Variants in CDH13 observed in about 807,000 individuals in gnomAD.
CDH13 encodes the protein cadherin-13.
In CDH13, 24 loss-of-function variants were observed where a neutral mutation model predicts 63.8. The ratio of observed to expected loss-of-function variants is 0.38; its 90% CI spans 0.27 to 0.53. The LOEUF is 0.53. Ranked by LOEUF, CDH13 falls within the 20% of genes least tolerant of loss-of-function variation. The probability of loss-of-function intolerance (pLI) is 0.85; values close to 1 mark genes in which losing one functional copy is unlikely to be tolerated. For synonymous variants in CDH13, 503 were observed against 355.3 expected (o/e 1.42, Z -4.67); for missense variants, 1,049 against 903.1 (o/e 1.16, Z -2.07).
intron 1 of CDH13, among the ~76,000 whole-genome samples, chr16:82,684,900 T>C (rs1567625061): frequency 6.6e-6 from 1 of 151,318 alleles, no homozygotes; most frequent in South Asian, 2.1e-4. Context: ...TGGGTATTCT[T>C]TGAGGAAATA....
chr16:83,284,312 C>A (rs990056121), intron 5 of CDH13, among the ~76,000 whole-genome samples: 1 of 152,172 alleles, frequency 6.6e-6, no homozygotes, highest in Non-Finnish European at 1.5e-5. Context: ...GCTGGACTTA[C>A]TAGCTGTTTG....
chr16:83,482,747 T>C (rs1363927097), intron 6 of CDH13, among the ~76,000 whole-genome samples: 1 of 152,176 alleles, frequency 6.6e-6, no homozygotes, highest in African/African-American at 2.4e-5. Flanking sequence ...CTACAGAATG[T>C]GTGTGTGCAC....
chr16:82,798,052 G>A (rs1052975971), intron 1 of CDH13, among the ~76,000 whole-genome samples: 2 of 152,112 alleles, frequency 1.3e-5, no homozygotes, highest in African/African-American at 4.8e-5. Context: ...GTTGCTCTGG[G>A]GTGAGAAAAC....
At chr16:83,592,980 T>C (rs1178825865) in intron 7 of CDH13, among the ~76,000 whole-genome samples, 1 of 152,206 alleles carries the variant, frequency 6.6e-6, no homozygotes, top group Non-Finnish European at 1.5e-5. Flanking sequence ...AAGCGGTTCC[T>C]GCTGGATTTA....
intron 6 of CDH13, among the ~76,000 whole-genome samples, chr16:83,388,032 A>G (rs1405291510): frequency 6.6e-6 from 1 of 152,126 alleles, no homozygotes; most frequent in Non-Finnish European, 1.5e-5. Context: ...ACTGGGGTAA[A>G]AGACCTCCTA....
chr16:83,036,958 G>A (rs1002833450), intron 3 of CDH13, among the ~76,000 whole-genome samples: 11 of 152,120 alleles, frequency 7.2e-5, no homozygotes, highest in Non-Finnish European at 1.6e-4. Context: ...GGGAACATGT[G>A]GGCAGACAGG....
At chr16:83,634,195 G>A (rs7201118) in intron 8 of CDH13, among the ~76,000 whole-genome samples, 147,747 of 151,096 alleles carry the variant, frequency 0.98, 72,329 homozygotes, top group East Asian at 1. Flanking sequence ...ACAGATTTGT[G>A]TGACCACCAC....
At chr16:83,780,626 C>T (rs1251726103) in intron 12 of CDH13, among the ~76,000 whole-genome samples, 1 of 152,210 alleles carries the variant, frequency 6.6e-6, no homozygotes, top group African/African-American at 2.4e-5. Flanking sequence ...TGAACTTTCT[C>T]TTAACTAATC....
At chr16:83,746,206 C>A (rs548778478) in intron 10 of CDH13, among the ~76,000 whole-genome samples, 3 of 152,330 alleles carry the variant, frequency 2.0e-5, no homozygotes, top group Non-Finnish European at 4.4e-5. Flanking sequence ...AAAACCAAGA[C>A]GTTGGCAGGG....
chr16:82,719,712 G>A (rs917837862), intron 1 of CDH13, among the ~76,000 whole-genome samples: 35 of 151,976 alleles, frequency 2.3e-4, no homozygotes, highest in Admixed American at 1.3e-3. Flanking sequence ...TGGGTGTGGT[G>A]GTGGGTGTCT....
intron 1 of CDH13, among the ~76,000 whole-genome samples, chr16:82,713,883 A>G (rs1329393398): frequency 6.6e-6 from 1 of 152,004 alleles, no homozygotes; most frequent in African/African-American, 2.4e-5. Context: ...CAGTGAGATC[A>G]TATCTTGGAA....
intron 10 of CDH13, among the ~76,000 whole-genome samples, chr16:83,700,877 G>A (rs980774897): frequency 1.3e-5 from 2 of 152,172 alleles, no homozygotes; most frequent in Non-Finnish European, 2.9e-5. Flanking sequence ...TTCCTGGGGA[G>A]CTGAGTTGTG....
At chr16:83,660,044 C>T (rs1913296640) in intron 8 of CDH13, among the ~76,000 whole-genome samples, 1 of 152,094 alleles carries the variant, frequency 6.6e-6, no homozygotes, top group African/African-American at 2.4e-5. Context: ...GCCTCGGCCT[C>T]CCAAAGTGCT....
chr16:83,384,551 C>T (rs1213562649), intron 6 of CDH13, among the ~76,000 whole-genome samples: 2 of 152,244 alleles, frequency 1.3e-5, no homozygotes, highest in African/African-American at 4.8e-5. Flanking sequence ...GCAAGGTTAA[C>T]ACCCTGTGGG....
intron 5 of CDH13, among the ~76,000 whole-genome samples, chr16:83,247,775 A>C (rs577974304): frequency 2.6e-5 from 4 of 152,154 alleles, no homozygotes; most frequent in Non-Finnish European, 5.9e-5. Flanking sequence ...GGACAAACCA[A>C]TAACACTTCT....
At chr16:83,759,836 G>A (rs1913814103) in intron 11 of CDH13, among the ~76,000 whole-genome samples, 1 of 151,866 alleles carries the variant, frequency 6.6e-6, no homozygotes, top group African/African-American at 2.4e-5. Flanking sequence ...GCTGAGGCAG[G>A]ACGATCACTT....
intron 3 of CDH13, among the ~76,000 whole-genome samples, chr16:83,068,764 T>C (rs1163764858): frequency 6.6e-6 from 1 of 152,220 alleles, no homozygotes; most frequent in African/African-American, 2.4e-5. Flanking sequence ...TTCAGTATTT[T>C]AAGTCTGCAA....
intron 2 of CDH13, among the ~76,000 whole-genome samples, chr16:82,947,323 G>C (rs565311814): frequency 4.6e-5 from 7 of 152,072 alleles, no homozygotes; most frequent in Admixed American, 1.3e-4. Context: ...GAGTGACCAA[G>C]AGTGTGTACC....
At chr16:83,664,155 C>CA (rs1052610304) in intron 8 of CDH13, among the ~76,000 whole-genome samples, 24 of 146,460 alleles carry the variant, frequency 1.6e-4, no homozygotes, top group East Asian at 1.2e-3. Flanking sequence ...AGATCTGCTT[C>CA]AAAAAAAAAA....
Sources: gnomAD v4.1 joint callset for allele counts (sites outside exome capture counted in the v4.1 genomes callset) on GRCh38, gnomAD v4.1.1 for gene constraint, MANE v1.5 for transcripts, NCBI Gene and HGNC (gene_info 2026-07-23, HGNC 2026-07-21) for gene names.